The following MYO16 variants were observed in gnomAD, a reference collection of about 807,000 sequenced individuals.
MYO16 encodes myosin XVI.
A neutral mutation model predicts 205.3 loss-of-function variants in MYO16; 94 were observed. The observed-to-expected ratio is 0.46, with a 90% confidence interval of 0.39 to 0.54. MYO16 has a LOEUF of 0.54. MYO16 is among the 20% of genes least tolerant of loss of function. The probability of loss-of-function intolerance (pLI) is 0.00; values close to 1 mark genes in which losing one functional copy is unlikely to be tolerated. For synonymous variants in MYO16, 988 were observed against 954.0 expected, an observed-to-expected ratio of 1.04 and a Z score of -0.66; for missense variants, 2,315 against 2,387.5, an observed-to-expected ratio of 0.97 and a Z score of 0.63.
At chr13:108,593,357 G>C (rs1878454355), upstream of MYO16, among the ~76,000 whole-genome samples, 1 of 152,142 alleles carries the variant, frequency 6.6e-6, no homozygotes, top group Non-Finnish European at 1.5e-5. Flanking sequence ...CAATCCAACA[G>C]AACAGAGGTT....
rs36054088 is a variant in MYO16 at position 109,176,577 on chromosome 13, T to TAAA, written c.5324-2943_5324-2941dup. 2.3e-3 allele frequency among the ~76,000 whole-genome samples: 103 copies of TAAA among 44,946 alleles called. 9 individuals are homozygous for TAAA. Among genetic ancestry groups the TAAA allele is most frequent in the African/African-American group, 7.7e-3 (85 of 10,994 alleles). The allele number at this position is 44,946 out of a possible 152,430, so 29.5% of individuals were successfully genotyped here. ...GCAGCTAAATAAAATATTGTGCTGG[T>TAAA]AAAAAAAAAAAAAAAAAAAAAAAAG... On this transcript the variant is annotated intron_variant, in intron 33 of 34. Transcript: ENST00000457511.
chr13:108,710,433 G>A (rs1490442345), intron 2 of MYO16, among the ~76,000 whole-genome samples: 1 of 152,136 alleles, frequency 6.6e-6, no homozygotes, highest in African/African-American at 2.4e-5. Context: ...TCAACATTTA[G>A]TAACCAGAAA....
At chr13:109,014,967 CT>C (rs1885751084) in intron 22 of MYO16, among the ~76,000 whole-genome samples, 1 of 152,276 alleles carries the variant, frequency 6.6e-6, no homozygotes, top group South Asian at 2.1e-4. Context: ...TTTCCCTTGC[CT>C]GATTGCCCTG....
intron 23 of MYO16, among the ~76,000 whole-genome samples, chr13:109,046,092 G>T (rs2139591336): frequency 6.6e-6 from 1 of 152,268 alleles, no homozygotes; most frequent in East Asian, 1.9e-4. Flanking sequence ...CCCCTTTCTT[G>T]GTTGTTGCTC....
intron 9 of MYO16, among the ~76,000 whole-genome samples, chr13:108,838,679 AT>A (rs548533389): frequency 0.091 from 5,103 of 55,920 alleles, 91 homozygotes; most frequent in East Asian, 0.13. Flanking sequence ...AAAAAAAAAA[AT>A]ATATATATAT....
At chr13:108,847,547 A>G (rs1263120479) in intron 10 of MYO16, among the ~76,000 whole-genome samples, 1 of 152,234 alleles carries the variant, frequency 6.6e-6, no homozygotes, top group Non-Finnish European at 1.5e-5. Context: ...TTTAGAGATA[A>G]ATACATCATG....
chr13:108,846,535 A>C lies in MYO16; in HGVS notation c.1248+2042A>C, dbSNP rs556348564. On this transcript the variant is annotated intron_variant, in intron 10 of 34. Coordinates refer to ENST00000457511, the MANE Select transcript of MYO16 (RefSeq NM_001198950.3). Reference sequence around the variant, plus strand: ...ATACATATATCCTTTGGGGGGGAATATTTTATTTTTAATAATTTGTTTATT... The same window carrying C: ...ATACATATATCCTTTGGGGGGGAATCTTTTATTTTTAATAATTTGTTTATT... Among the ~76,000 whole-genome samples, 14 of 151,922 alleles carry C rather than the reference A, an allele frequency of 9.2e-5. No individual in the cohort carries two copies. In the East Asian group the frequency reaches 2.7e-3, roughly 29 times the overall value.
chr13:108,506,028 T>G, the MYO16 span, among the ~76,000 whole-genome samples: 1 of 152,174 alleles, frequency 6.6e-6, no homozygotes, highest in Non-Finnish European at 1.5e-5. Flanking sequence ...TTATGTCTGT[T>G]TTTATGCCAG....
At chr13:108,523,346 G>GT in the MYO16 span, among the ~76,000 whole-genome samples, 2 of 152,278 alleles carry the variant, frequency 1.3e-5, no homozygotes, top group East Asian at 3.9e-4. Context: ...CTCCTCCATC[G>GT]TATCTGTTTC....
At position 109,140,499 on chromosome 13, in the gene MYO16, C is replaced by G; in HGVS notation, c.4287C>G (p.Asp1429Glu). 1 of 1,548,512 alleles carries G rather than the reference C, an allele frequency of 6.5e-7. No homozygotes were observed. The highest frequency in any genetic ancestry group is 1.9e-5 in the Admixed American group (1 of 53,346). ...CGGCGCCTCCGGGTGACGAGGACGA[C>G]AGCGAGCCTGTGTACATCGAGATGC... ...PPAAPPGDEDDSEPVYIEMLG... is the reference protein window; with the variant it reads ...PPAAPPGDEDESEPVYIEMLG... The change falls in exon 32 of 35, where the codon GAC becomes GAG. Residue 1429 changes from aspartate (D) to glutamate (E), a missense_variant. By Grantham distance (45) the Asp-to-Glu change is conservative. This residue lies in a region of MYO16 where 1,097 missense variants were observed against 1,092.0 expected (regional missense o/e 1.00). Coordinates refer to ENST00000457511, the MANE Select transcript of MYO16 (RefSeq NM_001198950.3). This position sits in a 1 kb window ranked among gnomAD's most constrained non-coding sequence, Gnocchi z 8.0.
At chr13:108,946,183 C>T (rs1882931875) in intron 16 of MYO16, among the ~76,000 whole-genome samples, 1 of 152,038 alleles carries the variant, frequency 6.6e-6, no homozygotes, top group South Asian at 2.1e-4. Flanking sequence ...TCCAGAGCAT[C>T]TCTGATCAAT....
At chr13:108,668,889 T>C (rs973822611) in intron 2 of MYO16, among the ~76,000 whole-genome samples, 2 of 151,950 alleles carry the variant, frequency 1.3e-5, no homozygotes, top group Non-Finnish European at 2.9e-5. Flanking sequence ...GCCAAAATGC[T>C]CCCTACTACA....
chr13:108,623,565 A>C (rs1422968035), intron 1 of MYO16, among the ~76,000 whole-genome samples: 1 of 152,178 alleles, frequency 6.6e-6, no homozygotes, highest in Non-Finnish European at 1.5e-5. Context: ...AGAAGGGGCT[A>C]TACTCCACTT....
intron 1 of MYO16, among the ~76,000 whole-genome samples, chr13:108,647,823 G>A (rs1333811542): frequency 2.0e-5 from 3 of 152,140 alleles, no homozygotes; most frequent in Non-Finnish European, 4.4e-5. Context: ...ACCATCAAAT[G>A]TCTAAATACA....
At chr13:109,082,946 A>G (rs1888324801) in intron 27 of MYO16, among the ~76,000 whole-genome samples, 1 of 152,232 alleles carries the variant, frequency 6.6e-6, no homozygotes, top group South Asian at 2.1e-4. Flanking sequence ...TCACATATCT[A>G]TAAGACAATT....
chr13:108,521,176 A>C, the MYO16 span, among the ~76,000 whole-genome samples: 7 of 152,366 alleles, frequency 4.6e-5, no homozygotes, highest in East Asian at 1.3e-3. Context: ...GGCTGGAAAT[A>C]AACATGTGTG....
chr13:109,100,816 G>A lies in MYO16; in HGVS notation c.3367G>A (p.Glu1123Lys). Residue 1123 changes from glutamate (E) to lysine (K), a missense_variant, in exon 28 of 35, where the codon GAG becomes AAG. Around this residue, in one of 3 missense-constraint regions of MYO16, gnomAD observed 1,097 missense variants for 1,092.0 expected, o/e 1.00. Coordinates refer to ENST00000457511, the MANE Select transcript of MYO16 (RefSeq NM_001198950.3). Reference sequence around the variant, plus strand: ...GCCACTGGCTGATACATTCCTGCGTGAGAAGAAGGAACAGTCAGCTGCCGA... The same window carrying A: ...GCCACTGGCTGATACATTCCTGCGTAAGAAGAAGGAACAGTCAGCTGCCGA... ...YKPLADTFLR[E>K]KKEQSAAERC... is the part of the protein sequence containing the mutation. The A allele has an allele frequency of 1.2e-6, 2 of 1,613,630 alleles. No individual in the cohort carries two copies. The highest frequency in any genetic ancestry group is 8.5e-7 in the Non-Finnish European group (1 of 1,179,640).
chr13:108,516,770 T>A, the MYO16 span, among the ~76,000 whole-genome samples: 3 of 152,226 alleles, frequency 2.0e-5, no homozygotes, highest in Non-Finnish European at 4.4e-5. Context: ...GTGAACTTTA[T>A]GTGAATAGAA....
intron 4 of MYO16, chr13:108,780,024 C>T (rs1886250633): frequency 6.6e-6 from 1 of 152,174 alleles, no homozygotes; most frequent in African/African-American, 2.4e-5. Flanking sequence ...TGCAGAAATG[C>T]TTCATTGACC....
Sources: gnomAD v4.1 joint callset for allele counts (sites outside exome capture counted in the v4.1 genomes callset) on GRCh38, gnomAD v4.1.1 for gene constraint, gnomAD v4.1.1 regional missense constraint, Gnocchi (gnomAD v3.1) non-coding constraint, MANE v1.5 for transcripts, NCBI Gene and HGNC (gene_info 2026-07-23, HGNC 2026-07-21) for gene names.